GPHN: variants seen among roughly 807,000 people sequenced by gnomAD.
The protein encoded by GPHN is gephyrin.
A neutral mutation model predicts 95.5 loss-of-function variants in GPHN; 17 were observed. The observed-to-expected ratio is 0.18, with a 90% CI of 0.12 to 0.27. The LOEUF (loss-of-function observed/expected upper bound fraction) is 0.27. Among genes scored for constraint, GPHN ranks in the 10% least tolerant of loss-of-function variants. The pLI, the probability that GPHN is intolerant of heterozygous loss-of-function variation, is 1.00. For synonymous variants in GPHN, 320 were observed against 322.5 expected (o/e 0.99, Z 0.08); for missense variants, 660 against 978.1 (o/e 0.67, Z 4.34).
intron 4 of GPHN, among the ~76,000 whole-genome samples, chr14:66,827,309 G>A (rs1430617174): frequency 1.3e-5 from 2 of 151,680 alleles, no homozygotes; most frequent in Non-Finnish European, 2.9e-5. Flanking sequence ...GGGTGAGGGG[G>A]GTGCAGAGGT....
the GPHN span, chr14:67,575,776 C>T: frequency 1.4e-6 from 2 of 1,444,118 alleles, no homozygotes; most frequent in Non-Finnish European, 1.9e-6. Context: ...AGGAGACTCC[C>T]TCATCCCCCA....
At chr14:67,425,160 C>T in the GPHN span, among the ~76,000 whole-genome samples, 1 of 152,160 alleles carries the variant, frequency 6.6e-6, no homozygotes, top group East Asian at 1.9e-4. Flanking sequence ...TCACAGCTCA[C>T]TACAGCCTCA....
At chr14:67,410,963 T>G in the GPHN span, among the ~76,000 whole-genome samples, 1 of 151,902 alleles carries the variant, frequency 6.6e-6, no homozygotes, top group Non-Finnish European at 1.5e-5. Flanking sequence ...CTGGGAAACA[T>G]GGCGAAACCC....
At chr14:67,674,304 A>C in the GPHN span, 3 of 1,376,278 alleles carry the variant, frequency 2.2e-6, no homozygotes, top group Middle Eastern at 5.3e-4. Flanking sequence ...GTCTGGGAGG[A>C]AGGTGGGAGA....
At chr14:67,638,183 CAGTT>C in the GPHN span, among the ~76,000 whole-genome samples, 1 of 152,074 alleles carries the variant, frequency 6.6e-6, no homozygotes, top group African/African-American at 2.4e-5. Context: ...TTTGCTATGA[CAGTT>C]AATTTACTCT....
At chr14:67,125,642 T>C (rs2079260640) in intron 17 of GPHN, among the ~76,000 whole-genome samples, 1 of 152,028 alleles carries the variant, frequency 6.6e-6, no homozygotes, top group South Asian at 2.1e-4. Context: ...CTAGGCATGG[T>C]GGTGCATGCC....
chr14:67,451,969 C>T, the GPHN span, among the ~76,000 whole-genome samples: 11 of 152,128 alleles, frequency 7.2e-5, no homozygotes, highest in African/African-American at 2.7e-4. Context: ...ATTGAATCAT[C>T]AGGGTGGGTC....
intron 1 of GPHN, among the ~76,000 whole-genome samples, chr14:66,547,733 A>G (rs2059654145): frequency 6.6e-6 from 1 of 152,188 alleles, no homozygotes; most frequent in African/African-American, 2.4e-5. Flanking sequence ...AGGAAACAGG[A>G]CAACAACAAC....
At chr14:67,074,880 G>A (rs2076435926) in intron 11 of GPHN, among the ~76,000 whole-genome samples, 1 of 152,118 alleles carries the variant, frequency 6.6e-6, no homozygotes, top group Non-Finnish European at 1.5e-5. Flanking sequence ...TGAGCTTTAA[G>A]GACAGAATAC....
At chr14:67,190,172 C>G in the GPHN span, among the ~76,000 whole-genome samples, 1 of 150,582 alleles carries the variant, frequency 6.6e-6, no homozygotes. Flanking sequence ...GCCTCAGCCT[C>G]CCAAAATGCT....
At chr14:67,537,913 G>A in the GPHN span, among the ~76,000 whole-genome samples, 4 of 152,188 alleles carry the variant, frequency 2.6e-5, no homozygotes, top group African/African-American at 7.2e-5. Flanking sequence ...GGATGCCAAA[G>A]CAGGTATCAA....
At chr14:67,514,334 G>T in the GPHN span, among the ~76,000 whole-genome samples, 1 of 152,170 alleles carries the variant, frequency 6.6e-6, no homozygotes, top group Non-Finnish European at 1.5e-5. Flanking sequence ...AAGATACCTG[G>T]GAAAGAGGCC....
At chr14:66,695,454 T>G (rs2068047915) in intron 2 of GPHN, among the ~76,000 whole-genome samples, 1 of 152,192 alleles carries the variant, frequency 6.6e-6, no homozygotes, top group East Asian at 1.9e-4. Flanking sequence ...CATAGCCACT[T>G]TGGAGGACAG....
the GPHN span, chr14:67,674,556 G>A: frequency 2.8e-6 from 4 of 1,417,370 alleles, no homozygotes; most frequent in Admixed American, 2.6e-5. Flanking sequence ...TAGCCCGGCG[G>A]TCAGCCGCCC....
chr14:67,204,742 A>G, the GPHN span: 4 of 1,613,806 alleles, frequency 2.5e-6, no homozygotes, highest in Non-Finnish European at 3.4e-6. Flanking sequence ...GGAGGTTTCA[A>G]GTCTCTCAGG....
At chr14:66,841,867 C>A (rs529978153) in intron 4 of GPHN, among the ~76,000 whole-genome samples, 53 of 151,916 alleles carry the variant, frequency 3.5e-4, no homozygotes, top group Non-Finnish European at 4.1e-4. Context: ...CGGGTGAAAC[C>A]CTGTCTCTAG....
At chr14:66,974,909 C>T (rs1049929425) in intron 9 of GPHN, among the ~76,000 whole-genome samples, 3 of 152,018 alleles carry the variant, frequency 2.0e-5, no homozygotes, top group Non-Finnish European at 4.4e-5. Context: ...ATTATCTCAT[C>T]TGTAAAATGA....
At chr14:66,753,793 TCAC>T (rs1227252357) in intron 2 of GPHN, among the ~76,000 whole-genome samples, 1 of 152,138 alleles carries the variant, frequency 6.6e-6, no homozygotes, top group Admixed American at 6.6e-5. Context: ...TTTGCCACTG[TCAC>T]CACAATGTAA....
chr14:67,264,193 A>C, the GPHN span, among the ~76,000 whole-genome samples: 1 of 152,222 alleles, frequency 6.6e-6, no homozygotes, highest in Non-Finnish European at 1.5e-5. Flanking sequence ...TGTTAGGCCA[A>C]ATACTGTTTT....
Sources: allele counts gnomAD v4.1 joint callset (sites outside exome capture counted in the v4.1 genomes callset), GRCh38; gene constraint gnomAD v4.1.1; transcripts MANE v1.5; gene names NCBI Gene and HGNC (gene_info 2026-07-23, HGNC 2026-07-21).